Variants in TMEM45B observed in about 807,000 individuals in gnomAD.
TMEM45B encodes the protein transmembrane protein 45B.
A neutral mutation model predicts 27.3 loss-of-function variants in TMEM45B; 29 were observed. That is an observed-to-expected ratio of 1.06 (90% confidence interval 0.79 to 1.45). The LOEUF (loss-of-function observed/expected upper bound fraction) is 1.45, where lower values mean the gene tolerates loss of function less well. Ranked by LOEUF, TMEM45B falls within the 40% of genes most tolerant of loss-of-function variation. TMEM45B has a pLI of 0.00. For missense variants in TMEM45B, 348 were observed against 343.9 expected (o/e 1.01, Z -0.09); for synonymous variants, 143 against 134.7 (o/e 1.06, Z -0.43).
rs1034288096 is a variant in TMEM45B, at chr11:129,855,945, G to A, written c.570+53G>A. The A allele has an allele frequency of 2.3e-5, 36 of 1,593,768 alleles. No homozygotes were observed. The Middle Eastern group carries it at 5.4e-4, about 24-fold the overall frequency. ...TGGTCTGGATGGAGAAGCCCCCACCGAGCGCATCCCAGAGAAATCCCTGAC... is the reference window on the plus strand; with the variant it reads ...TGGTCTGGATGGAGAAGCCCCCACCAAGCGCATCCCAGAGAAATCCCTGAC... On this transcript the variant is annotated intron_variant, in intron 4 of 5. Coordinates refer to ENST00000281441, the MANE Select transcript of TMEM45B (RefSeq NM_138788.5).
intron 1 of TMEM45B, among the ~76,000 whole-genome samples, chr11:129,817,502 G>A (rs904185462): frequency 6.6e-6 from 1 of 152,192 alleles, no homozygotes; most frequent in African/African-American, 2.4e-5. Flanking sequence ...CAGAAGGTGA[G>A]GCATGACCTC....
intron 1 of TMEM45B, among the ~76,000 whole-genome samples, chr11:129,821,487 A>G (rs978437365): frequency 2.0e-5 from 3 of 152,086 alleles, no homozygotes; most frequent in African/African-American, 4.8e-5. Flanking sequence ...TTCATACCCA[A>G]TTATGTACAG....
At chr11:129,845,223 CTTA>C (rs1327797206) in intron 1 of TMEM45B, among the ~76,000 whole-genome samples, 2 of 151,264 alleles carry the variant, frequency 1.3e-5, no homozygotes, top group East Asian at 3.9e-4. Context: ...ATTAGAGTGG[CTTA>C]TTTAGTCCAT....
chr11:129,855,913 C>G, intron 4 of TMEM45B, 21 bp downstream of exon 4: 1 of 1,613,292 alleles, frequency 6.2e-7, no homozygotes, highest in Non-Finnish European at 8.5e-7. Flanking sequence ...ACACCCAGGC[C>G]CCTCGCTGGT....
At chr11:129,820,898 A>G (rs1947411248) in intron 1 of TMEM45B, among the ~76,000 whole-genome samples, 1 of 152,110 alleles carries the variant, frequency 6.6e-6, no homozygotes, top group African/African-American at 2.4e-5. Context: ...CATATTCTAA[A>G]TAGCATGCAG....
intron 1 of TMEM45B, among the ~76,000 whole-genome samples, chr11:129,840,945 G>GT (rs1947682058): frequency 1.1e-4 from 3 of 26,368 alleles, no homozygotes; most frequent in Non-Finnish European, 1.6e-4. Flanking sequence ...ATTTCTTTCT[G>GT]TAAAAAAAAA....
chr11:129,844,503 T>C (rs757358821), intron 1 of TMEM45B, among the ~76,000 whole-genome samples: 1 of 152,062 alleles, frequency 6.6e-6, no homozygotes, highest in Non-Finnish European at 1.5e-5. Flanking sequence ...CTGGGCAACA[T>C]AGCGAGACGT....
At chr11:129,835,002 T>G (rs1405734405) in intron 1 of TMEM45B, among the ~76,000 whole-genome samples, 1 of 152,208 alleles carries the variant, frequency 6.6e-6, no homozygotes, top group African/African-American at 2.4e-5. Flanking sequence ...AAGAAATTTG[T>G]TGAATTGGAT....
chr11:129,847,612 G>A (rs1947780522), intron 1 of TMEM45B, among the ~76,000 whole-genome samples: 2 of 150,978 alleles, frequency 1.3e-5, no homozygotes, highest in African/African-American at 4.9e-5. Context: ...CTGCCTTCAA[G>A]CATCTGTTTA....
intron 4 of TMEM45B, 63 bp from the exon 5 acceptor site, chr11:129,857,250 A>G (rs2135614453): frequency 6.3e-7 from 1 of 1,591,236 alleles, no homozygotes. Context: ...GCCACAGGAG[A>G]ACGGCTAGAT....
intron 1 of TMEM45B, among the ~76,000 whole-genome samples, chr11:129,816,607 G>T (rs1947354398): frequency 6.6e-6 from 1 of 152,084 alleles, no homozygotes; most frequent in Non-Finnish European, 1.5e-5. Context: ...CTGAAGCTTT[G>T]ATCCAGCCCT....
chr11:129,847,873 A>G (rs1382251980), intron 1 of TMEM45B, among the ~76,000 whole-genome samples: 1 of 151,968 alleles, frequency 6.6e-6, no homozygotes, highest in African/African-American at 2.4e-5. Flanking sequence ...CATTGTCATC[A>G]TGGCCCGTTC....
chr11:129,858,004 C>G (rs1323016871), intron 5 of TMEM45B, among the ~76,000 whole-genome samples: 1 of 152,216 alleles, frequency 6.6e-6, no homozygotes, highest in East Asian at 1.9e-4. Context: ...TTAATCTTCA[C>G]TGCTTTATGA....
At chr11:129,846,385 T>G (rs1228901691) in intron 1 of TMEM45B, among the ~76,000 whole-genome samples, 1 of 151,960 alleles carries the variant, frequency 6.6e-6, no homozygotes, top group Non-Finnish European at 1.5e-5. Context: ...GAGAATCGCT[T>G]GAACACATAG....
rs1264392307 is a variant in TMEM45B at position 129,816,003 on chromosome 11, G to C, written c.-9+105G>C. On this transcript the variant is annotated intron_variant, in intron 1 of 5. Transcript: ENST00000281441. ...TGTGATGGAGAGGAGGTTCCGACTC[G>C]CAGGGGACCTGCGGGGGAGGGGACG... The C allele has an allele frequency of 2.4e-6, 3 of 1,234,456 alleles. No homozygotes were observed. The Admixed American group carries it at 1.3e-4, about 52-fold the overall frequency. The allele number at this position is 1,234,456 out of a possible 1,614,324, so 76.5% of individuals were successfully genotyped here. A position where few individuals can be genotyped will look rare whatever the true frequency, so the allele number is the denominator to read the frequency against.
intron 1 of TMEM45B, among the ~76,000 whole-genome samples, chr11:129,837,269 A>AGTGAGGGGT (rs1947631792): frequency 6.6e-6 from 1 of 151,476 alleles, no homozygotes; most frequent in African/African-American, 2.4e-5. Context: ...GACTGGTGAG[A>AGTGAGGGGT]GTGAGGGGTT....
chr11:129,839,920 G>A (rs1033806611), intron 1 of TMEM45B, among the ~76,000 whole-genome samples: 6 of 152,154 alleles, frequency 3.9e-5, no homozygotes, highest in African/African-American at 1.4e-4. Flanking sequence ...CACACCAGTT[G>A]TGTATATTAG....
Position 129,857,407 on chromosome 11 carries a change from A to G in TMEM45B, c.665A>G (p.His222Arg). 1 of 1,614,176 alleles carries G rather than the reference A, an allele frequency of 6.2e-7. No individual in the cohort carries two copies. ...LMFITMCFCW[H>R]YLAALSIVAV... ...TTCATCACCATGTGCTTCTGCTGGC[A>G]CTACCTGGCTGCCCTCAGCATTGTG... Residue 222 changes from histidine to arginine, a missense_variant, in exon 5 of 6, where the codon CAC (histidine) becomes CGC (arginine). Physicochemically the swap from His to Arg is conservative, Grantham distance 29. Coordinates refer to ENST00000281441, the MANE Select transcript of TMEM45B (RefSeq NM_138788.5).
At chr11:129,825,545 G>A (rs1947467807) in intron 1 of TMEM45B, among the ~76,000 whole-genome samples, 1 of 152,212 alleles carries the variant, frequency 6.6e-6, no homozygotes, top group South Asian at 2.1e-4. Context: ...AGCTGGAGAT[G>A]AAGTTGTGGG....
Sources: gnomAD v4.1 joint callset for allele counts (sites outside exome capture counted in the v4.1 genomes callset) on GRCh38, gnomAD v4.1.1 for gene constraint, MANE v1.5 for transcripts, NCBI Gene and HGNC (gene_info 2026-07-23, HGNC 2026-07-21) for gene names.